The following RBM27 variants were observed in gnomAD, a reference collection of about 807,000 sequenced individuals.
The protein encoded by RBM27 is RNA-binding protein 27.
A neutral mutation model predicts 135.3 loss-of-function variants in RBM27; 22 were observed. That is an observed-to-expected ratio of 0.16 (90% CI 0.12 to 0.23). The LOEUF is 0.23. Ranked by LOEUF, RBM27 falls within the 10% of genes least tolerant of loss-of-function variation. RBM27 has a pLI of 1.00. For missense variants in RBM27, 1,009 were observed against 1,281.0 expected (o/e 0.79, Z 3.24); for synonymous variants, 481 against 442.4 (o/e 1.09, Z -1.10).
At chr5:146,283,143 A>G (rs1759433258) in intron 19 of RBM27, among the ~76,000 whole-genome samples, 1 of 152,212 alleles carries the variant, frequency 6.6e-6, no homozygotes, top group Non-Finnish European at 1.5e-5. Context: ...TAAAGAAATG[A>G]ACAAAACAAG....
chr5:146,253,422 T>G (rs62372768), intron 9 of RBM27, among the ~76,000 whole-genome samples: 2 of 152,018 alleles, frequency 1.3e-5, no homozygotes, highest in Non-Finnish European at 2.9e-5. Flanking sequence ...TCTGTGCCAT[T>G]GTTCTCTGAG....
At chr5:146,215,210 T>C (rs1487240004) in intron 1 of RBM27, among the ~76,000 whole-genome samples, 2 of 152,048 alleles carry the variant, frequency 1.3e-5, no homozygotes, top group Admixed American at 6.6e-5. Context: ...CCACAACACC[T>C]GGCTAATTTC....
At chr5:146,243,966 G>A (rs1164990068) in intron 8 of RBM27, among the ~76,000 whole-genome samples, 3 of 151,978 alleles carry the variant, frequency 2.0e-5, no homozygotes, top group Admixed American at 2.0e-4. Context: ...AAATCTAATA[G>A]TGGGAAAGAA....
chr5:146,234,878 A>G (rs1757091885), intron 7 of RBM27, among the ~76,000 whole-genome samples: 1 of 151,680 alleles, frequency 6.6e-6, no homozygotes, highest in African/African-American at 2.4e-5. Context: ...TAGAAAAAAT[A>G]CAAAAATTAG....
chr5:146,265,662 G>A (rs1758583642), intron 14 of RBM27, among the ~76,000 whole-genome samples: 1 of 152,166 alleles, frequency 6.6e-6, no homozygotes, highest in African/African-American at 2.4e-5. Context: ...ATTTGATGAT[G>A]TATTCCTAAT....
At position 146,223,616 on chromosome 5, in the gene RBM27, TTG is replaced by T. The variant is rs1164156702; in HGVS notation, c.303+93_303+94del. On this transcript the variant is annotated intron_variant, in intron 3 of 20. Coordinates refer to ENST00000265271, the MANE Select transcript of RBM27 (RefSeq NM_018989.2). ...TGGAAGTTGAGCCTTTTAAAAGTAA[TTG>T]TGTATTGATTCAAGTTTCCGGATTT... is the stretch of plus-strand genomic sequence containing the variant. The T allele has an allele frequency of 9.9e-6, 14 of 1,407,432 alleles. No homozygotes were observed. The African/African-American group carries it at 1.9e-4, about 19-fold the overall frequency. 87.2% of individuals were successfully genotyped at this position (1,407,432 alleles called of 1,614,324 possible).
Position 146,226,181 on chromosome 5 carries a change from T to G in RBM27, c.303+2654T>G, listed in dbSNP as rs569449944. Among the ~76,000 whole-genome samples, 11 of 151,874 alleles carry G rather than the reference T, an allele frequency of 7.2e-5. No individual in the cohort carries two copies. In the South Asian group the frequency reaches 2.3e-3, roughly 32 times the overall value. ...CTGCGCCAGGGCTGGAAGAAAACTT[T>G]CTTGAGTACTTTCATAGACATTTTT... On this transcript the variant is annotated intron_variant, in intron 3 of 20. Transcript: ENST00000265271.
At chr5:146,221,622 G>C (rs971673811) in intron 2 of RBM27, among the ~76,000 whole-genome samples, 3 of 152,216 alleles carry the variant, frequency 2.0e-5, no homozygotes, top group African/African-American at 7.2e-5. Flanking sequence ...TTAGTAGACA[G>C]GGTTTCACCA....
intron 8 of RBM27, among the ~76,000 whole-genome samples, chr5:146,246,766 AATCT>A (rs1474706899): frequency 6.6e-6 from 1 of 152,186 alleles, no homozygotes; most frequent in Admixed American, 6.5e-5. Flanking sequence ...TAATGTAGTG[AATCT>A]TCATGTACTT....
chr5:146,286,032 A>C lies in RBM27; in HGVS notation c.*2A>C, dbSNP rs201406691. ...GAGTCTCGCTCATGGCGAAGATGAA[A>C]TCTGATGCTAGCTGTATAATTTTTA... On this transcript the variant is annotated 3_prime_UTR_variant, in exon 21 of 21. Coordinates refer to ENST00000265271, the MANE Select transcript of RBM27 (RefSeq NM_018989.2). 3.3e-5 allele frequency: 53 copies of C among 1,598,016 alleles called. No individual in the cohort carries two copies. Among genetic ancestry groups the C allele is most frequent in the Non-Finnish European group, 4.5e-5 (53 of 1,171,052 alleles).
rs750700375 is a variant in RBM27 at position 146,261,626 on chromosome 5, G to A, written c.2010G>A (p.Leu670=). The A allele has an allele frequency of 1.2e-6, 2 of 1,614,184 alleles. No homozygotes were observed. The highest frequency in any genetic ancestry group is 2.2e-5 in the South Asian group (2 of 91,088). ...AVLNNRFIRV[L]WHRENNEQPT... ...TAAACAACCGATTCATTCGAGTCTTGTGGCATAGGGAAAATAATGAGCAAC... is the reference window on the plus strand; with the variant it reads ...TAAACAACCGATTCATTCGAGTCTTATGGCATAGGGAAAATAATGAGCAAC... Residue 670 remains leucine (L), a synonymous_variant, in exon 13 of 21, where the codon TTG becomes TTA. Coordinates refer to ENST00000265271, the MANE Select transcript of RBM27 (RefSeq NM_018989.2).
chr5:146,207,471 C>T (rs1755738291), intron 1 of RBM27, among the ~76,000 whole-genome samples: 1 of 151,852 alleles, frequency 6.6e-6, no homozygotes, highest in African/African-American at 2.4e-5. Context: ...GCTTGGCCTT[C>T]CAAAGTGCTG....
At chr5:146,231,682 A>G (rs185962732) in intron 6 of RBM27, among the ~76,000 whole-genome samples, 36 of 152,064 alleles carry the variant, frequency 2.4e-4, no homozygotes, top group Admixed American at 2.0e-3. Context: ...CAGTGGCACA[A>G]TCTCGGCTCA....
chr5:146,229,242 G>A (rs993243157), intron 4 of RBM27, among the ~76,000 whole-genome samples: 5 of 151,814 alleles, frequency 3.3e-5, no homozygotes, highest in Non-Finnish European at 5.9e-5. Flanking sequence ...TCATTATTAT[G>A]TGTTTTCCCC....
intron 8 of RBM27, among the ~76,000 whole-genome samples, chr5:146,243,524 A>T (rs11958136): frequency 0.38 from 57,882 of 152,000 alleles, 11,611 homozygotes; most frequent in African/African-American, 0.49. Flanking sequence ...ATTCAGAGAT[A>T]GAAAAATCTG....
chr5:146,250,930 C>T (rs1241749536), intron 8 of RBM27, among the ~76,000 whole-genome samples: 5 of 152,002 alleles, frequency 3.3e-5, no homozygotes, highest in South Asian at 2.1e-4. Flanking sequence ...GTGCCCACCA[C>T]GACGCCCAGC....
intron 19 of RBM27, among the ~76,000 whole-genome samples, chr5:146,277,517 A>ATTTTTT (rs371321141): frequency 4.8e-5 from 6 of 125,544 alleles, no homozygotes; most frequent in African/African-American, 1.2e-4. Flanking sequence ...TACTGGGATA[A>ATTTTTT]TTTTTTTTTT....
intron 8 of RBM27, among the ~76,000 whole-genome samples, chr5:146,248,031 G>T (rs898705784): frequency 6.6e-6 from 1 of 151,854 alleles, no homozygotes. Context: ...CATGATATAT[G>T]TGTATTTTCT....
chr5:146,275,920 A>G (rs944834100), intron 19 of RBM27, among the ~76,000 whole-genome samples: 2 of 152,220 alleles, frequency 1.3e-5, no homozygotes, highest in South Asian at 2.1e-4. Flanking sequence ...GTTAGGTTTT[A>G]GGATTGATCA....
Sources: gnomAD v4.1 joint callset for allele counts (sites outside exome capture counted in the v4.1 genomes callset) on GRCh38, gnomAD v4.1.1 for gene constraint, MANE v1.5 for transcripts, NCBI Gene and HGNC (gene_info 2026-07-23, HGNC 2026-07-21) for gene names.